Variants in RNF135 observed in about 807,000 individuals in gnomAD.
RNF135 encodes E3 ubiquitin-protein ligase RNF135.
RNF135 carries 46 observed loss-of-function variants against 41.9 expected under a neutral mutation model. That is an observed-to-expected ratio of 1.10 (90% CI 0.87 to 1.40). RNF135 has a LOEUF of 1.40. RNF135 is among the 40% of genes most tolerant of loss of function. RNF135 has a pLI of 0.00. For missense variants in RNF135, 539 were observed against 549.8 expected (o/e 0.98, Z 0.20); for synonymous variants, 238 against 223.8 (o/e 1.06, Z -0.57).
At chr17:30,966,587 CA>C (rs1394123739), upstream of RNF135, among the ~76,000 whole-genome samples, 6 of 151,360 alleles carry the variant, frequency 4.0e-5, no homozygotes, top group Admixed American at 1.3e-4. Context: ...CTCTGCCTCC[CA>C]GGGTTCACAC....
upstream of RNF135, chr17:30,969,344 T>A (rs1245033586): frequency 6.6e-6 from 1 of 152,224 alleles, no homozygotes; most frequent in Non-Finnish European, 1.5e-5. Flanking sequence ...AGGTAATACA[T>A]CAGTCAGGAT....
At chr17:30,968,749 A>C (rs1422291164), upstream of RNF135, 1 of 152,212 alleles carries the variant, frequency 6.6e-6, no homozygotes, top group East Asian at 1.9e-4. Context: ...GGGCGTGTCC[A>C]AGAAAAAAGT....
intron 3 of RNF135, among the ~76,000 whole-genome samples, chr17:30,988,528 T>C (rs1390389156): frequency 2.1e-5 from 3 of 142,544 alleles, no homozygotes; most frequent in Admixed American, 7.3e-5. Context: ...CCTGGGTTCA[T>C]GCCATTCTCC....
chr17:30,963,504 G>A, the RNF135 span, among the ~76,000 whole-genome samples: 1 of 151,944 alleles, frequency 6.6e-6, no homozygotes, highest in African/African-American at 2.4e-5. Context: ...CCCGGGAGGT[G>A]GAGGTTGCAG....
At position 30,999,259 on chromosome 17, in the gene RNF135, C is replaced by T; in HGVS notation, c.*68C>T. ...TCCCTGTCATCAATCAGGGTAGTAACTTGACTTAAGAATACCACTTTTTAG... is the reference window on the plus strand; with the variant it reads ...TCCCTGTCATCAATCAGGGTAGTAATTTGACTTAAGAATACCACTTTTTAG... On this transcript the variant is annotated 3_prime_UTR_variant, in exon 5 of 5. Coordinates refer to ENST00000328381, the MANE Select transcript of RNF135 (RefSeq NM_032322.4). 6.5e-7 allele frequency: 1 copy of T among 1,549,482 alleles called. No homozygotes were observed.
chr17:30,998,135 T>A (rs529143877), intron 4 of RNF135, among the ~76,000 whole-genome samples: 13 of 152,344 alleles, frequency 8.5e-5, no homozygotes, highest in South Asian at 4.1e-4. Flanking sequence ...GGTCTTGACC[T>A]CCTGGCCTCA....
At chr17:30,998,368 GCTT>G in intron 4 of RNF135, among the ~76,000 whole-genome samples, 1 of 152,230 alleles carries the variant, frequency 6.6e-6, no homozygotes, top group East Asian at 1.9e-4. Flanking sequence ...GCAAAATCCT[GCTT>G]CTTTTCTAAA....
intron 1 of RNF135, among the ~76,000 whole-genome samples, chr17:30,981,547 G>C (rs185798244): frequency 6.6e-6 from 1 of 152,234 alleles, no homozygotes; most frequent in Non-Finnish European, 1.5e-5. Flanking sequence ...TCCTGAATTG[G>C]CTCTTGGTGA....
intron 1 of RNF135, chr17:30,975,554 C>T: frequency 3.8e-6 from 3 of 783,656 alleles, no homozygotes; most frequent in Non-Finnish European, 7.1e-6. Flanking sequence ...AGACATACAC[C>T]CAACAATACT....
In RNF135 at chr17:30,988,421, T is replaced by TC. The variant is rs1907749546; in HGVS notation, c.679+315_679+316insC. Among the ~76,000 whole-genome samples, 9 of 121,400 alleles carry TC rather than the reference T, an allele frequency of 7.4e-5. No individual in the cohort carries two copies. In the South Asian group the frequency reaches 2.7e-3, roughly 37 times the overall value. The allele number at this position is 121,400 out of a possible 152,430, so 79.6% of individuals were successfully genotyped here. On this transcript the variant is annotated intron_variant, in intron 3 of 4. Transcript: ENST00000328381. ...TCTGAAATAGGCCACTTTTAATTTTTTTTTTTTTTTTTTTTTTTTTTTTTG... is the reference window on the plus strand; with the variant it reads ...TCTGAAATAGGCCACTTTTAATTTTTCTTTTTTTTTTTTTTTTTTTTTTTTG...
In RNF135 at chr17:30,979,541, C is replaced by G. The variant is rs1401198155; in HGVS notation, c.373-5076C>G. On this transcript the variant is annotated intron_variant, in intron 1 of 4. Transcript: ENST00000328381. ...ACGGGGCAGCTGGCCGACCCCCCCC[C>G]CCCGCCTCCCTCCCGGACGGGGCGG... is the stretch of plus-strand genomic sequence containing the variant. 1.2e-4 allele frequency among the ~76,000 whole-genome samples: 12 copies of G among 102,430 alleles called. 2 individuals are homozygous for G. Among genetic ancestry groups the G allele is most frequent in the African/African-American group, 4.0e-4 (12 of 30,320 alleles). 67.2% of individuals were successfully genotyped at this position (102,430 alleles called of 152,430 possible).
upstream of RNF135, among the ~76,000 whole-genome samples, chr17:30,966,413 TA>T (rs1292033217): frequency 5.5e-5 from 8 of 145,582 alleles, no homozygotes; most frequent in African/African-American, 2.1e-4. Context: ...TATTTTATTT[TA>T]TTTTTTTATT....
At chr17:30,995,928 G>T (rs894121692) in intron 3 of RNF135, among the ~76,000 whole-genome samples, 5 of 148,072 alleles carry the variant, frequency 3.4e-5, no homozygotes, top group Non-Finnish European at 7.5e-5. Flanking sequence ...GACTAGTTTT[G>T]TGTGTGTGTG....
intron 3 of RNF135, among the ~76,000 whole-genome samples, chr17:30,991,402 T>C (rs1298611321): frequency 6.6e-6 from 1 of 151,820 alleles, no homozygotes; most frequent in African/African-American, 2.4e-5. Flanking sequence ...TGCGCGTTTT[T>C]TTTCTCTTTC....
chr17:30,992,579 C>A (rs1908059574), intron 3 of RNF135, among the ~76,000 whole-genome samples: 1 of 152,014 alleles, frequency 6.6e-6, no homozygotes, highest in Non-Finnish European at 1.5e-5. Flanking sequence ...GATCCTCCCT[C>A]CTTAGCCTCC....
chr17:30,962,498 C>A, the RNF135 span, among the ~76,000 whole-genome samples: 1 of 151,072 alleles, frequency 6.6e-6, no homozygotes, highest in African/African-American at 2.4e-5. Context: ...TGGAGTCTCG[C>A]TCTGTTGCCC....
At chr17:30,983,353 A>ATTTTTTTTTTTTTTTTTTT (rs1192298651) in intron 1 of RNF135, among the ~76,000 whole-genome samples, 1 of 35,744 alleles carries the variant, frequency 2.8e-5, no homozygotes, top group African/African-American at 9.1e-5. Context: ...ATATATATAT[A>ATTTTTTTTTTTTTTTTTTT]TTTTTTTTTT....
chr17:30,975,006 A>C (rs191361372), intron 1 of RNF135, among the ~76,000 whole-genome samples: 2 of 152,156 alleles, frequency 1.3e-5, no homozygotes, highest in African/African-American at 4.8e-5. Flanking sequence ...GAAATTTTTC[A>C]GGCAGATTGT....
rs1374533324 is a variant in RNF135, at chr17:30,971,266, G to GGCGCC, written c.198_202dup (p.Gln68ProfsTer62). On this transcript the variant is annotated frameshift_variant, in exon 1 of 5. Coordinates refer to ENST00000328381, the MANE Select transcript of RNF135 (RefSeq NM_032322.4). LOFTEE classifies it high-confidence loss of function. ...CTGGGCCTGCCCCACTTGCCGCCAG[G>GGCGCC]GCGCCGCGCAGCAGCCGCACCTGCG... 1 of 1,523,578 alleles carries GGCGCC rather than the reference G, an allele frequency of 6.6e-7. No individual in the cohort carries two copies. Among genetic ancestry groups the GGCGCC allele is most frequent in the East Asian group, 2.6e-5 (1 of 38,760 alleles). 94.4% of individuals were successfully genotyped at this position (1,523,578 alleles called of 1,614,324 possible).
Sources: gnomAD v4.1 joint callset for allele counts (sites outside exome capture counted in the v4.1 genomes callset) on GRCh38, gnomAD v4.1.1 for gene constraint, MANE v1.5 for transcripts, NCBI Gene and HGNC (gene_info 2026-07-23, HGNC 2026-07-21) for gene names.